SAMMSON: variants seen among roughly 807,000 people sequenced by gnomAD.
The protein encoded by SAMMSON is long intergenic non-protein coding RNA 1212.
At chr3:70,137,334 G>A (rs997852461) in intron 4 of SAMMSON, among the ~76,000 whole-genome samples, 1 of 152,042 alleles carries the variant, frequency 6.6e-6, no homozygotes, top group Admixed American at 6.6e-5. Flanking sequence ...ATGACTTATG[G>A]GCCAAATTTG....
chr3:70,417,202 A>T (rs1447975760), intron 2 of SAMMSON, among the ~76,000 whole-genome samples: 1 of 152,098 alleles, frequency 6.6e-6, no homozygotes, highest in African/African-American at 2.4e-5. Context: ...TTACCCCTTT[A>T]CCAATGTCAA....
chr3:70,379,513 A>G (rs2106750957), intron 9 of SAMMSON, among the ~76,000 whole-genome samples: 1 of 152,280 alleles, frequency 6.6e-6, no homozygotes, highest in South Asian at 2.1e-4. Flanking sequence ...CAACAACTTT[A>G]CATGACCCAT....
chr3:70,127,285 A>G (rs2067463084), intron 4 of SAMMSON: 1 of 152,194 alleles, frequency 6.6e-6, no homozygotes, highest in African/African-American at 2.4e-5. Flanking sequence ...TTCAACTTTC[A>G]GGATCCTCTT....
At position 70,031,819 on chromosome 3, in the gene SAMMSON, G is replaced by T. The variant is rs1021615095; in HGVS notation, n.417+18147G>T. Among the ~76,000 whole-genome samples, 10 of 152,142 alleles carry T rather than the reference G, an allele frequency of 6.6e-5. No homozygotes were observed. In the South Asian group the frequency reaches 1.7e-3, roughly 25 times the overall value. On this transcript the variant is annotated intron_variant and non_coding_transcript_variant, in intron 3 of 9. Transcript: ENST00000642114. ...CTGTAGACCGACAGAGTTTGTAATG[G>T]CAGAGTGGTTCTTCATGCTTAAGAA...
chr3:70,047,561 C>A (rs2067131523), intron 3 of SAMMSON, among the ~76,000 whole-genome samples: 1 of 151,974 alleles, frequency 6.6e-6, no homozygotes, highest in African/African-American at 2.4e-5. Flanking sequence ...GTCTCGAACT[C>A]CTAATCTCGT....
chr3:70,154,635 G>A (rs1372612712), intron 4 of SAMMSON, among the ~76,000 whole-genome samples: 1 of 152,092 alleles, frequency 6.6e-6, no homozygotes, highest in African/African-American at 2.4e-5. Flanking sequence ...CTGGGTACTT[G>A]AGCGAATGGC....
chr3:70,047,482 A>G (rs376207931), intron 3 of SAMMSON, among the ~76,000 whole-genome samples: 26 of 151,916 alleles, frequency 1.7e-4, no homozygotes, highest in East Asian at 7.8e-4. Context: ...AACTACAGGC[A>G]CACACCTCCA....
chr3:70,073,489 A>G (rs1001654615), intron 4 of SAMMSON, among the ~76,000 whole-genome samples: 29 of 152,052 alleles, frequency 1.9e-4, no homozygotes, highest in African/African-American at 7.0e-4. Flanking sequence ...GAGCTAGACC[A>G]GGGAAAAGAG....
rs1043339831 is a variant in SAMMSON at position 70,285,283 on chromosome 3, C to T, written n.675-5896C>T. On this transcript the variant is annotated intron_variant and non_coding_transcript_variant, in intron 6 of 9. Coordinates refer to ENST00000642114, the Ensembl canonical transcript of SAMMSON. ...CCATGTGTTCTCATTGTTCAATTCC[C>T]ACCTATGAGTGAGAATATGTGGTGT... Among the ~76,000 whole-genome samples the T allele has an allele frequency of 5.4e-5, 8 of 147,986 alleles. 1 individual carries two copies. The highest frequency in any genetic ancestry group is 2.0e-4 in the African/African-American group (8 of 40,054).
intron 4 of SAMMSON, among the ~76,000 whole-genome samples, chr3:70,218,755 A>G (rs1481351788): frequency 6.6e-6 from 1 of 152,092 alleles, no homozygotes; most frequent in East Asian, 1.9e-4. Context: ...AACAATAAAT[A>G]GAAAAAAAAA....
chr3:70,046,123 A>G (rs1036985085), intron 3 of SAMMSON, among the ~76,000 whole-genome samples: 10 of 152,260 alleles, frequency 6.6e-5, no homozygotes, highest in Admixed American at 1.3e-4. Context: ...CATTTTAACA[A>G]TATCCTCCAC....
At chr3:70,006,445 T>C (rs926323567) in intron 1 of SAMMSON, among the ~76,000 whole-genome samples, 6 of 152,166 alleles carry the variant, frequency 3.9e-5, no homozygotes, top group African/African-American at 1.2e-4. Flanking sequence ...CGAAGCTGGA[T>C]ACAAAGACTC....
intron 3 of SAMMSON, among the ~76,000 whole-genome samples, chr3:70,042,329 C>G (rs1260004259): frequency 6.6e-6 from 1 of 152,026 alleles, no homozygotes; most frequent in Non-Finnish European, 1.5e-5. Flanking sequence ...CAGCTTTGAG[C>G]AATTTCTTCC....
intron 7 of SAMMSON, among the ~76,000 whole-genome samples, chr3:70,326,890 G>A (rs1012612441): frequency 2.6e-5 from 4 of 152,084 alleles, no homozygotes; most frequent in South Asian, 4.1e-4. Flanking sequence ...ACAGAGTCAC[G>A]CTTTGTCACT....
In SAMMSON at chr3:70,159,489, T is replaced by C. The variant is rs1040849199; in HGVS notation, n.507+87924T>C. 6.6e-5 allele frequency: 10 copies of C among 152,240 alleles called. No individual in the cohort carries two copies. The East Asian group carries it at 1.7e-3, about 27-fold the overall frequency. 9.4% of individuals were successfully genotyped at this position (152,240 alleles called of 1,614,324 possible). On this transcript the variant is annotated intron_variant and non_coding_transcript_variant, in intron 4 of 9. Coordinates refer to ENST00000642114, the Ensembl canonical transcript of SAMMSON. ...ACTTCTAAACTATTTTCCAAAATGA[T>C]TGTACCATTCATACATTGATATCAG...
At chr3:70,411,503 G>A (rs1417993575) in intron 2 of SAMMSON, among the ~76,000 whole-genome samples, 1 of 152,026 alleles carries the variant, frequency 6.6e-6, no homozygotes, top group South Asian at 2.1e-4. Flanking sequence ...TAAATTTTTT[G>A]GTTCTTGTGA....
At chr3:70,103,964 G>T (rs1010159264) in intron 4 of SAMMSON, among the ~76,000 whole-genome samples, 5 of 147,674 alleles carry the variant, frequency 3.4e-5, no homozygotes, top group Admixed American at 6.8e-5. Flanking sequence ...AAGTCTCCAA[G>T]TTTCAGCATG....
intron 4 of SAMMSON, among the ~76,000 whole-genome samples, chr3:70,220,935 GTGAA>G (rs1410810247): frequency 6.6e-6 from 1 of 152,164 alleles, no homozygotes; most frequent in Non-Finnish European, 1.5e-5. Flanking sequence ...GGCGTAAAGG[GTGAA>G]TGAATGTAGT....
At chr3:70,274,380 T>C (rs1323679320) in intron 6 of SAMMSON, among the ~76,000 whole-genome samples, 1 of 150,952 alleles carries the variant, frequency 6.6e-6, no homozygotes, top group African/African-American at 2.5e-5. Flanking sequence ...AAATATAGAA[T>C]GAGTATGTGA....
Sources: gnomAD v4.1 joint callset for allele counts (sites outside exome capture counted in the v4.1 genomes callset) on GRCh38, gnomAD v4.1.1 for gene constraint, MANE v1.5 for transcripts, NCBI Gene and HGNC (gene_info 2026-07-23, HGNC 2026-07-21) for gene names.